SLC24A2: variants seen among roughly 807,000 people sequenced by gnomAD.
The protein encoded by SLC24A2 is solute carrier family 24 member 2.
In SLC24A2, 36 loss-of-function variants were observed where a neutral mutation model predicts 62.0. The ratio of observed to expected loss-of-function variants is 0.58; its 90% CI spans 0.44 to 0.77. The LOEUF (loss-of-function observed/expected upper bound fraction) is 0.77. Ranked by LOEUF, SLC24A2 falls within the 30% of genes least tolerant of loss-of-function variation. The probability of loss-of-function intolerance (pLI) is 0.00; values close to 1 mark genes in which losing one functional copy is unlikely to be tolerated. For synonymous variants in SLC24A2, 358 were observed against 294.0 expected (o/e 1.22, Z -2.23); for missense variants, 846 against 817.9 (o/e 1.03, Z -0.42).
At chr9:19,999,787 G>C in the SLC24A2 span, among the ~76,000 whole-genome samples, 17 of 152,164 alleles carry the variant, frequency 1.1e-4, no homozygotes, top group Non-Finnish European at 2.2e-4. Context: ...GAGTCACAGA[G>C]TTTCATCAGG....
At chr9:19,656,402 T>C (rs1233528095) in intron 2 of SLC24A2, among the ~76,000 whole-genome samples, 1 of 152,202 alleles carries the variant, frequency 6.6e-6, no homozygotes, top group Non-Finnish European at 1.5e-5. Context: ...CCTTCAAAAC[T>C]CTAGTATTAT....
intron 8 of SLC24A2, among the ~76,000 whole-genome samples, chr9:19,543,787 C>T (rs1425807598): frequency 6.6e-6 from 1 of 151,982 alleles, no homozygotes; most frequent in Non-Finnish European, 1.5e-5. Context: ...GCACTATGGT[C>T]TGAGAGACTG....
rs374759186 is a variant in SLC24A2 at position 19,509,022 on chromosome 9, T to C, written c.*7131A>G. On this transcript the variant is annotated 3_prime_UTR_variant, in exon 11 of 11. Transcript: ENST00000341998. ...TAGGCATAAGGAATTATTGATAAAT[T>C]GTATACCTCTATTTCCCATTTTTAT... 1.3e-4 allele frequency: 20 copies of C among 152,222 alleles called. No individual in the cohort carries two copies. Among genetic ancestry groups the C allele is most frequent in the African/African-American group, 4.8e-4 (20 of 41,454 alleles). 9.4% of individuals were successfully genotyped at this position (152,222 alleles called of 1,614,324 possible). A position where few individuals can be genotyped will look rare whatever the true frequency, so the allele number is the denominator to read the frequency against.
At chr9:20,178,653 T>C in the SLC24A2 span, among the ~76,000 whole-genome samples, 468 of 152,270 alleles carry the variant, frequency 3.1e-3, 1 homozygote, top group Non-Finnish European at 5.3e-3. Context: ...AATAGACTTA[T>C]GCCCAGAGGA....
chr9:19,704,678 T>A (rs1820457791), intron 2 of SLC24A2, among the ~76,000 whole-genome samples: 1 of 152,120 alleles, frequency 6.6e-6, no homozygotes, highest in African/African-American at 2.4e-5. Flanking sequence ...TTAATCAATG[T>A]AACAAGAAAC....
chr9:19,921,014 G>A, the SLC24A2 span, among the ~76,000 whole-genome samples: 3 of 146,458 alleles, frequency 2.0e-5, no homozygotes, highest in African/African-American at 7.5e-5. Flanking sequence ...GGATTGAGTC[G>A]ATATAAGTAA....
chr9:20,294,305 G>A, the SLC24A2 span, among the ~76,000 whole-genome samples: 5 of 152,020 alleles, frequency 3.3e-5, no homozygotes, highest in African/African-American at 1.2e-4. Context: ...ATTTCTCCAC[G>A]TGACTGCTCA....
the SLC24A2 span, among the ~76,000 whole-genome samples, chr9:20,128,383 A>G: frequency 1.3e-5 from 2 of 152,126 alleles, no homozygotes; most frequent in African/African-American, 4.8e-5. Flanking sequence ...AGATGTTAAG[A>G]TTCAAGTAAA....
chr9:19,639,819 G>A (rs1425110823), intron 2 of SLC24A2, among the ~76,000 whole-genome samples: 2 of 152,242 alleles, frequency 1.3e-5, no homozygotes, highest in African/African-American at 2.4e-5. Context: ...TATTCACAAT[G>A]TTATAGTCAC....
At chr9:19,864,269 C>T in the SLC24A2 span, among the ~76,000 whole-genome samples, 1 of 151,814 alleles carries the variant, frequency 6.6e-6, no homozygotes, top group African/African-American at 2.4e-5. Flanking sequence ...TAATACCAAT[C>T]CTAAAACTAT....
chr9:19,833,041 A>G, the SLC24A2 span, among the ~76,000 whole-genome samples: 1 of 152,208 alleles, frequency 6.6e-6, no homozygotes, highest in Non-Finnish European at 1.5e-5. Flanking sequence ...CCACAATGAG[A>G]TACCATCTCA....
At chr9:20,280,488 G>C in the SLC24A2 span, among the ~76,000 whole-genome samples, 2 of 152,116 alleles carry the variant, frequency 1.3e-5, no homozygotes, top group East Asian at 3.9e-4. Flanking sequence ...GTCTGGGCTG[G>C]GCACCTCAGA....
At chr9:20,214,206 A>T in the SLC24A2 span, among the ~76,000 whole-genome samples, 23 of 152,214 alleles carry the variant, frequency 1.5e-4, no homozygotes, top group Non-Finnish European at 3.4e-4. Context: ...GTGAGGCGAT[A>T]GGAAGGTGGG....
chr9:19,741,272 C>T (rs1377416214), intron 2 of SLC24A2, among the ~76,000 whole-genome samples: 1 of 152,130 alleles, frequency 6.6e-6, no homozygotes, highest in Admixed American at 6.6e-5. Context: ...GTTGGCTTTC[C>T]GGTTCTGCCA....
At chr9:19,675,644 G>A (rs966632425) in intron 2 of SLC24A2, among the ~76,000 whole-genome samples, 49 of 152,006 alleles carry the variant, frequency 3.2e-4, no homozygotes, top group South Asian at 2.1e-4. Flanking sequence ...GGGGAAAGCC[G>A]GCAGTTACAG....
chr9:20,108,218 G>T, the SLC24A2 span, among the ~76,000 whole-genome samples: 1 of 152,062 alleles, frequency 6.6e-6, no homozygotes. Context: ...GAGAGGATAT[G>T]GAGAAATAGG....
chr9:19,787,889 T>G (rs1449892590), intron 1 of SLC24A2, among the ~76,000 whole-genome samples: 2 of 152,202 alleles, frequency 1.3e-5, no homozygotes, highest in African/African-American at 2.4e-5. Flanking sequence ...CCACAAAATC[T>G]GCCCAAAATA....
chr9:19,726,383 A>G (rs754171914), intron 2 of SLC24A2, among the ~76,000 whole-genome samples: 9 of 152,224 alleles, frequency 5.9e-5, no homozygotes, highest in Non-Finnish European at 1.2e-4. Context: ...GCGAATGTGT[A>G]TAAGCTTGTG....
At chr9:19,916,842 T>C in the SLC24A2 span, among the ~76,000 whole-genome samples, 1 of 151,916 alleles carries the variant, frequency 6.6e-6, no homozygotes, top group African/African-American at 2.4e-5. Flanking sequence ...CTTCTTAGGA[T>C]AGATGCTATA....
Sources: allele counts gnomAD v4.1 joint callset (sites outside exome capture counted in the v4.1 genomes callset), GRCh38; gene constraint gnomAD v4.1.1; transcripts MANE v1.5; gene names NCBI Gene and HGNC (gene_info 2026-07-23, HGNC 2026-07-21).